L1CAM: variants seen among roughly 807,000 people sequenced by gnomAD.
L1CAM encodes the protein L1 cell adhesion molecule, also known as neural cell adhesion molecule L1.
A neutral mutation model predicts 93.0 loss-of-function variants in L1CAM; 8 were observed. The ratio of observed to expected loss-of-function variants is 0.09; its 90% CI spans 0.05 to 0.16. The LOEUF is 0.16. Ranked by LOEUF, L1CAM falls within the 10% of genes least tolerant of loss-of-function variation. The pLI, the probability that L1CAM is intolerant of heterozygous loss-of-function variation, is 1.00. For missense variants in L1CAM, 777 were observed against 1,073.4 expected, an observed-to-expected ratio of 0.72 and a Z score of 3.86; for synonymous variants, 453 against 453.0, an observed-to-expected ratio of 1.00 and a Z score of 0.00.
In L1CAM at chrX:153,875,826, G is replaced by A. The variant is rs201284179; in HGVS notation, c.11C>T (p.Ala4Val). 5.0e-6 allele frequency: 6 copies of A among 1,206,826 alleles called. No homozygotes were observed. Among genetic ancestry groups the A allele is most frequent in the East Asian group, 3.0e-5 (1 of 33,714 alleles). The part of the protein sequence containing the change: MVV[A>V]LRYVWPLLLC... ...GAGGAGAGGCCACACGTACCGCAGC[G>A]CCACGACCATCTTTCCCGGCGGCAC... Residue 4 changes from alanine to valine, a missense_variant, in exon 2 of 29, where the codon GCG (alanine) becomes GTG (valine). By Grantham distance (64) the Ala-to-Val change is moderately conservative (BLOSUM62 0). Coordinates refer to ENST00000370060, the MANE Select transcript of L1CAM (RefSeq NM_001278116.2).
At chrX:153,863,589 G>T in intron 26 of L1CAM, 40 bp from the exon 27 acceptor site, 1 of 1,137,908 alleles carries the variant, frequency 8.8e-7, no homozygotes, top group Non-Finnish European at 1.2e-6. Flanking sequence ...TCCCGCCCCA[G>T]CCTGACCCGG....
Position 153,872,877 on chromosome X carries a change from G to A in L1CAM, c.92-180C>T, listed in dbSNP as rs976809372. ...GTGGGACATGAAAAGAGGGAGAGAG[G>A]GGACAGCCACGTAAGTTACAAAGAG... On this transcript the variant is annotated intron_variant, in intron 3 of 28. Coordinates refer to ENST00000370060, the MANE Select transcript of L1CAM (RefSeq NM_001278116.2). The A allele has an allele frequency of 3.6e-5, 17 of 472,743 alleles. No individual in the cohort carries two copies. In the East Asian group the frequency reaches 4.0e-4, roughly 11 times the overall value. The allele number at this position is 472,743 out of a possible 1,213,427, so 39.0% of individuals were successfully genotyped here. A position where few individuals can be genotyped will look rare whatever the true frequency, so the allele number is the denominator to read the frequency against.
In L1CAM at chrX:153,868,380, G is replaced by A; in HGVS notation, c.1625C>T (p.Ser542Phe). Residue 542 changes from serine to phenylalanine, a missense_variant, in exon 14 of 29, where the codon TCC (serine) becomes TTC (phenylalanine). Ser to Phe is a radical substitution (Grantham distance 155). Transcript: ENST00000370060. Reference protein sequence around the residue: ...GSRVTFTCQASFDPSLQPSIT... With the variant: ...GSRVTFTCQAFFDPSLQPSIT... ...GCTGGGCTGCAAGGAGGGGTCAAAG[G>A]AGGCCTGGCACGTGAAGGTCACCCT... 1.7e-6 allele frequency: 2 copies of A among 1,211,731 alleles called. No individual in the cohort carries two copies. Among genetic ancestry groups the A allele is most frequent in the Non-Finnish European group, 2.2e-6 (2 of 895,421 alleles).
At chrX:153,865,968 T>A (rs2064709317) in intron 19 of L1CAM, 149 bp from the exon 20 acceptor site, 1 of 483,515 alleles carries the variant, frequency 2.1e-6, no homozygotes, top group Admixed American at 2.9e-5. Flanking sequence ...GGTCTCAAGA[T>A]CTCTTCCTGG....
intron 20 of L1CAM, 75 bp downstream of exon 20, chrX:153,865,629 G>T: frequency 9.9e-7 from 1 of 1,011,267 alleles, no homozygotes; most frequent in South Asian, 1.9e-5. Context: ...GCTGGCAGGT[G>T]GCAAAGCCCC....
intron 3 of L1CAM, chrX:153,872,971 CAAG>C (rs2064786002): frequency 1.3e-5 from 6 of 449,894 alleles, no homozygotes; most frequent in Non-Finnish European, 2.3e-5. Flanking sequence ...ACACAGAAAC[CAAG>C]AAGGACAAAC....
intron 8 of L1CAM, 57 bp from the exon 9 acceptor site, chrX:153,870,297 C>G: frequency 8.4e-7 from 1 of 1,187,663 alleles, no homozygotes; most frequent in South Asian, 1.8e-5. Context: ...GCCAATCACC[C>G]CAGCCCCCTA....
chrX:153,872,789 CA>C, intron 3 of L1CAM, 92 bp from the exon 4 acceptor site: 1 of 766,100 alleles, frequency 1.3e-6, no homozygotes, highest in East Asian at 3.2e-5. Flanking sequence ...AAGCAGGGTC[CA>C]GAGCCCCTGG....
In L1CAM at chrX:153,872,279, G is replaced by C. The variant is rs782676482; in HGVS notation, c.273C>G (p.His91Gln). The C allele has an allele frequency of 8.3e-7, 1 of 1,204,843 alleles. No homozygotes were observed. The stretch of plus-strand genomic sequence containing the variant: ...TGCCCGTGATGGTGAAGGAGCCAGA[G>C]TGGGGCGACTGGTACACGGTCACAC... ...ELGVTVYQSP[H>Q]SGSFTITGNN... The change falls in exon 5 of 29, where the codon CAC becomes CAG. Residue 91 changes from histidine (H) to glutamine (Q), a missense_variant. Transcript: ENST00000370060.
At chrX:153,875,513 T>A in intron 2 of L1CAM, 2 of 489,947 alleles carry the variant, frequency 4.1e-6, no homozygotes, top group Non-Finnish European at 7.4e-6. Context: ...TCGCTGTCCC[T>A]GGTGCTGAAA....
chrX:153,864,104 C>T (rs2064689565), intron 25 of L1CAM, 87 bp from the exon 26 acceptor site: 2 of 1,156,201 alleles, frequency 1.7e-6, no homozygotes, highest in Non-Finnish European at 1.2e-6. Flanking sequence ...AGTTGGGGCC[C>T]TCTGGGGGGC....
intron 2 of L1CAM, 42 bp downstream of exon 2, chrX:153,875,719 T>G (rs782111701): frequency 9.0e-7 from 1 of 1,115,795 alleles, no homozygotes; most frequent in Admixed American, 2.2e-5. Context: ...GGGCCCAACA[T>G]AGCGGCGAAG....
Position 153,872,168 on chromosome X carries a change from G to A in L1CAM, c.384C>T (p.Ile128=). 8.3e-7 allele frequency: 1 copy of A among 1,207,827 alleles called. No homozygotes were observed. The highest frequency in any genetic ancestry group is 1.1e-6 in the Non-Finnish European group (1 of 892,677). ...NKLGTAMSHE[I]RLMAEGAPKW... Reference sequence around the variant, plus strand: ...GCCTCGCACCCTCGGCCATGAGCCGGATCTCATGGGACATGGCGGTGCCCA... The same window carrying A: ...GCCTCGCACCCTCGGCCATGAGCCGAATCTCATGGGACATGGCGGTGCCCA... The change falls in exon 5 of 29, where the codon ATC becomes ATT. Residue 128 remains isoleucine (I), a synonymous_variant. Transcript: ENST00000370060.
At position 153,871,155 on chromosome X, in the gene L1CAM, G is replaced by C; in HGVS notation, c.425C>G (p.Thr142Arg). 8.3e-7 allele frequency: 1 copy of C among 1,208,995 alleles called. No homozygotes were observed. The highest frequency in any genetic ancestry group is 1.1e-6 in the Non-Finnish European group (1 of 894,260). The change falls in exon 6 of 29, where the codon ACA (threonine) becomes AGA (arginine). Residue 142 changes from threonine to arginine, a missense_variant. Around this residue, in one of 5 missense-constraint regions of L1CAM, gnomAD observed 574 missense variants for 781.0 expected, o/e 0.73. Coordinates refer to ENST00000370060, the MANE Select transcript of L1CAM (RefSeq NM_001278116.2). The part of the protein sequence containing the change: ...AEGAPKWPKE[T>R]VKPVEVEEGE... ...TTCCTCCACCTCCACGGGCTTCACTGTCTCCTTTGGCCACTTGGGGGCACC... is the reference window on the plus strand; with the variant it reads ...TTCCTCCACCTCCACGGGCTTCACTCTCTCCTTTGGCCACTTGGGGGCACC...
Position 153,882,940 on chromosome X carries a change from C to T in L1CAM, c.-109+3125G>A, listed in dbSNP as rs781830334. On this transcript the variant is annotated intron_variant, in intron 1 of 28. Transcript: ENST00000370060. ...CCCTCCCCAGCTCCTCCCTCTTTTTCCAGCCACAGCCTTCAGGAAGCCACA... is the reference window on the plus strand; with the variant it reads ...CCCTCCCCAGCTCCTCCCTCTTTTTTCAGCCACAGCCTTCAGGAAGCCACA... 1.2e-3 allele frequency among the ~76,000 whole-genome samples: 134 copies of T among 112,322 alleles called. 1 individual carries two copies. Among genetic ancestry groups the T allele is most frequent in the African/African-American group, 4.1e-3 (128 of 30,965 alleles).
At chrX:153,883,839 C>T (rs782581480) in intron 1 of L1CAM, 2 of 343,109 alleles carry the variant, frequency 5.8e-6, no homozygotes, top group Non-Finnish European at 5.9e-6. Flanking sequence ...CACCCTCACA[C>T]CCAGAAAAGC....
Position 153,868,001 on chromosome X carries a change from C to T in L1CAM, c.1825G>A (p.Val609Met). 8.3e-7 allele frequency: 1 copy of T among 1,211,189 alleles called. No individual in the cohort carries two copies. ...VVESRAQLLV[V>M]GSPGPVPRLV... ...AGGCTTCCACCCTAGGACTTACCCA[C>T]CACCAAGAGCTGTGCCCTACTCTCC... The change falls in exon 15 of 29, where the codon GTG becomes ATG. Residue 609 changes from valine to methionine, a missense_variant. This residue lies in a region of L1CAM where 574 missense variants were observed against 781.0 expected (regional missense o/e 0.73). Coordinates refer to ENST00000370060, the MANE Select transcript of L1CAM (RefSeq NM_001278116.2).
intron 11 of L1CAM, 67 bp from the exon 12 acceptor site, chrX:153,869,019 A>T: frequency 1.1e-6 from 1 of 906,830 alleles, no homozygotes; most frequent in East Asian, 3.1e-5. Context: ...GGAGCCAGGG[A>T]CCCTCTGCAC....
chrX:153,880,770 AAGGGGGCTGCTCC>A (rs1437506287), intron 1 of L1CAM: 1 of 288,646 alleles, frequency 3.5e-6, no homozygotes, highest in East Asian at 1.1e-4. Flanking sequence ...ACAGCACATA[AAGGGGGCTGCTCC>A]AGGGAGCCCC....
Sources: gnomAD v4.1 joint callset for allele counts (sites outside exome capture counted in the v4.1 genomes callset) on GRCh38, gnomAD v4.1.1 for gene constraint, gnomAD v4.1.1 regional missense constraint, MANE v1.5 for transcripts, NCBI Gene and HGNC (gene_info 2026-07-23, HGNC 2026-07-21) for gene names.